Variants in GABBR2 observed in about 807,000 individuals in gnomAD.
GABBR2 encodes the protein gamma-aminobutyric acid type B receptor subunit 2, also known as G-protein coupled receptor 51.
Under a neutral mutation model 105.6 loss-of-function variants are expected in GABBR2, and 23 were observed. That is an observed-to-expected ratio of 0.22 (90% CI 0.16 to 0.31). GABBR2 has a LOEUF of 0.31. GABBR2 is among the 10% of genes least tolerant of loss of function. GABBR2 has a pLI of 1.00. For missense variants in GABBR2, 734 were observed against 1,245.5 expected, an observed-to-expected ratio of 0.59 and a Z score of 6.18; for synonymous variants, 478 against 499.7, an observed-to-expected ratio of 0.96 and a Z score of 0.58.
intron 1 of GABBR2, among the ~76,000 whole-genome samples, chr9:98,645,770 C>A (rs1830022149): frequency 6.6e-6 from 1 of 152,180 alleles, no homozygotes; most frequent in African/African-American, 2.4e-5. Flanking sequence ...CCTTCAATAA[C>A]AAAAGCAATA....
chr9:98,671,763 A>G (rs1307685219), intron 1 of GABBR2, among the ~76,000 whole-genome samples: 1 of 152,202 alleles, frequency 6.6e-6, no homozygotes, highest in Non-Finnish European at 1.5e-5. Flanking sequence ...TGGGGGCCCA[A>G]TACAATCAGA....
chr9:98,387,905 C>G (rs1457647108), intron 10 of GABBR2, among the ~76,000 whole-genome samples: 2 of 152,240 alleles, frequency 1.3e-5, no homozygotes, highest in East Asian at 3.9e-4. Flanking sequence ...ACCAAAAAAA[C>G]TGTTTTCTTC....
intron 3 of GABBR2, chr9:98,516,256 CTCCACCT>C (rs1827755108): frequency 6.6e-6 from 1 of 152,352 alleles, no homozygotes; most frequent in African/African-American, 2.4e-5. Context: ...TGAGGATGCA[CTCCACCT>C]TCACCTCCTG....
intron 13 of GABBR2, among the ~76,000 whole-genome samples, chr9:98,320,142 A>C (rs1294687194): frequency 6.6e-6 from 1 of 152,028 alleles, no homozygotes; most frequent in South Asian, 2.1e-4. Context: ...AAAAAAACAA[A>C]CAACCCCATC....
chr9:98,579,144 A>T lies in GABBR2; in HGVS notation c.322-1072T>A, dbSNP rs139386976. 1.3e-3 allele frequency among the ~76,000 whole-genome samples: 204 copies of T among 152,292 alleles called. 1 individual carries two copies. The highest frequency in any genetic ancestry group is 4.7e-3 in the African/African-American group (195 of 41,554). On this transcript the variant is annotated intron_variant, in intron 1 of 18. Transcript: ENST00000259455. The stretch of plus-strand genomic sequence containing the variant: ...TTATGTATATTTTTACCACAGTCTT[A>T]AAAAAATGATGATGAGGATAAATCT...
intron 3 of GABBR2, among the ~76,000 whole-genome samples, chr9:98,500,298 G>A (rs568777100): frequency 3.3e-5 from 5 of 152,344 alleles, no homozygotes; most frequent in Admixed American, 3.3e-4. Flanking sequence ...TGCATATTGG[G>A]CCAAGTGAGG....
At chr9:98,295,910 C>G (rs1246043724) in intron 17 of GABBR2, among the ~76,000 whole-genome samples, 1 of 152,184 alleles carries the variant, frequency 6.6e-6, no homozygotes, top group Admixed American at 6.5e-5. Flanking sequence ...TGATGTCAGC[C>G]TGTGAGAGAT....
chr9:98,699,310 T>C (rs1004923912), intron 1 of GABBR2, among the ~76,000 whole-genome samples: 6 of 152,054 alleles, frequency 3.9e-5, no homozygotes, highest in African/African-American at 9.7e-5. Flanking sequence ...GACATCAGCT[T>C]TGCACCAAAT....
intron 5 of GABBR2, among the ~76,000 whole-genome samples, chr9:98,477,593 C>T (rs1261332271): frequency 1.3e-5 from 2 of 152,142 alleles, no homozygotes; most frequent in African/African-American, 2.4e-5. Flanking sequence ...CAAACGGGTA[C>T]TATTGCATGA....
intron 17 of GABBR2, 26 bp from the exon 18 acceptor site, chr9:98,293,928 A>C (rs1276090807): frequency 1.2e-5 from 15 of 1,286,834 alleles, no homozygotes; most frequent in Non-Finnish European, 1.7e-5. Context: ...CAATACCACA[A>C]CATGTTCGGT....
intron 2 of GABBR2, among the ~76,000 whole-genome samples, chr9:98,556,344 G>A (rs73490413): frequency 0.041 from 6,247 of 152,156 alleles, 172 homozygotes; most frequent in South Asian, 0.067. Context: ...CAGGGACACC[G>A]GGGCTCGAGA....
At chr9:98,297,334 G>C (rs1170512949) in intron 17 of GABBR2, among the ~76,000 whole-genome samples, 1 of 152,176 alleles carries the variant, frequency 6.6e-6, no homozygotes, top group Admixed American at 6.5e-5. Context: ...TAAAAGGCCA[G>C]GCATGGTGGC....
chr9:98,342,400 C>T (rs1006005687), intron 13 of GABBR2, among the ~76,000 whole-genome samples: 10 of 152,212 alleles, frequency 6.6e-5, no homozygotes, highest in African/African-American at 1.4e-4. Context: ...GCGAGCCAGC[C>T]GGATCATCAA....
At chr9:98,307,584 G>T (rs1266122621) in intron 14 of GABBR2, among the ~76,000 whole-genome samples, 1 of 152,166 alleles carries the variant, frequency 6.6e-6, no homozygotes, top group Non-Finnish European at 1.5e-5. Context: ...ACGCTGTGTG[G>T]TAGAAGCAGG....
intron 7 of GABBR2, among the ~76,000 whole-genome samples, chr9:98,415,289 A>G (rs1165370698): frequency 6.6e-6 from 1 of 152,212 alleles, no homozygotes; most frequent in East Asian, 1.9e-4. Context: ...CTTTTTAAAA[A>G]GATGTGATAA....
intron 7 of GABBR2, among the ~76,000 whole-genome samples, chr9:98,450,871 G>A (rs934994678): frequency 1.3e-5 from 2 of 152,302 alleles, no homozygotes; most frequent in South Asian, 2.1e-4. Flanking sequence ...ATGAAAGGGA[G>A]CATTTAGAAG....
At position 98,625,158 on chromosome 9, in the gene GABBR2, CTAT is replaced by C. The variant is rs756836944; in HGVS notation, c.322-47089_322-47087del. 2.3e-3 allele frequency among the ~76,000 whole-genome samples: 358 copies of C among 152,376 alleles called. 2 individuals carry two copies. The highest frequency in any genetic ancestry group is 1.6e-3 in the Non-Finnish European group (110 of 68,034). ...GCAGCAGAGGGCCCCACAAAGGGGG[CTAT>C]AACCCAGCCCATGCCCCAGTTGCCA... On this transcript the variant is annotated intron_variant, in intron 1 of 18. Coordinates refer to ENST00000259455, the MANE Select transcript of GABBR2 (RefSeq NM_005458.8).
chr9:98,498,874 C>A (rs763841095), intron 3 of GABBR2, among the ~76,000 whole-genome samples: 4 of 152,298 alleles, frequency 2.6e-5, no homozygotes, highest in Non-Finnish European at 5.9e-5. Flanking sequence ...TGTTGTGGAA[C>A]AACAGTCATT....
intron 6 of GABBR2, among the ~76,000 whole-genome samples, chr9:98,472,548 A>G (rs1020497404): frequency 6.6e-6 from 1 of 152,182 alleles, no homozygotes; most frequent in African/African-American, 2.4e-5. Flanking sequence ...TCACAGATAT[A>G]GAAGCAGAGA....
Sources: allele counts gnomAD v4.1 joint callset (sites outside exome capture counted in the v4.1 genomes callset), GRCh38; gene constraint gnomAD v4.1.1; transcripts MANE v1.5; gene names NCBI Gene and HGNC (gene_info 2026-07-23, HGNC 2026-07-21).